Variants in MGAT4C observed in about 807,000 individuals in gnomAD.
MGAT4C encodes MGAT4 family member C, also known as alpha-1,3-mannosyl-glycoprotein 4-beta-N-acetylglucosaminyltransferase C.
MGAT4C carries 19 observed loss-of-function variants against 40.1 expected under a neutral mutation model. The ratio of observed to expected loss-of-function variants is 0.47; its 90% CI spans 0.33 to 0.70. The LOEUF (loss-of-function observed/expected upper bound fraction) is 0.70, where lower values mean the gene tolerates loss of function less well. Ranked by LOEUF, MGAT4C falls within the 30% of genes least tolerant of loss-of-function variation. The pLI is 0.02. For synonymous variants in MGAT4C, 181 were observed against 187.1 expected, an observed-to-expected ratio of 0.97 and a Z score of 0.27; for missense variants, 491 against 563.2, an observed-to-expected ratio of 0.87 and a Z score of 1.30.
At chr12:86,180,316 C>A (rs1288774566) in intron 1 of MGAT4C, among the ~76,000 whole-genome samples, 1 of 152,202 alleles carries the variant, frequency 6.6e-6, no homozygotes, top group Non-Finnish European at 1.5e-5. Context: ...TCATGGAGAA[C>A]CTCTGCTAGG....
chr12:85,959,627 A>T lies in MGAT4C; in HGVS notation c.*19662T>A, dbSNP rs1335819114. On this transcript the variant is annotated 3_prime_UTR_variant, in exon 5 of 5. Transcript: ENST00000611864. The stretch of plus-strand genomic sequence containing the variant: ...TTAAATCTGACCCAGCCACTTGAAT[A>T]AATAAGTTGTGTTGTAGTTTCTCAG... The T allele has an allele frequency of 6.6e-6, 1 of 151,930 alleles. No homozygotes were observed. The highest frequency in any genetic ancestry group is 1.5e-5 in the Non-Finnish European group (1 of 67,926). The allele number at this position is 151,930 out of a possible 1,614,324, so 9.4% of individuals were successfully genotyped here.
At chr12:86,571,779 C>A (rs563008232) in intron 2 of MGAT4C, among the ~76,000 whole-genome samples, 2 of 152,218 alleles carry the variant, frequency 1.3e-5, no homozygotes, top group South Asian at 4.1e-4. Context: ...AATCCCCACA[C>A]TGCTGAATGC....
intron 3 of MGAT4C, among the ~76,000 whole-genome samples, chr12:86,336,067 T>C (rs1027353546): frequency 3.3e-5 from 5 of 152,176 alleles, no homozygotes; most frequent in African/African-American, 1.2e-4. Context: ...TGCCTGTACT[T>C]TGCCACCTCC....
intron 2 of MGAT4C, among the ~76,000 whole-genome samples, chr12:86,628,153 A>G (rs1457658607): frequency 6.6e-6 from 1 of 152,176 alleles, no homozygotes; most frequent in Non-Finnish European, 1.5e-5. Context: ...TCAGTGATTG[A>G]AGATCAAATG....
chr12:86,365,226 A>G (rs1308418517), intron 3 of MGAT4C, among the ~76,000 whole-genome samples: 1 of 152,196 alleles, frequency 6.6e-6, no homozygotes, highest in Non-Finnish European at 1.5e-5. Context: ...GAAGAGAAAT[A>G]TGGCTCTGTT....
At chr12:85,991,039 A>G (rs916780284) in intron 2 of MGAT4C, among the ~76,000 whole-genome samples, 2 of 152,170 alleles carry the variant, frequency 1.3e-5, no homozygotes, top group African/African-American at 4.8e-5. Context: ...AGAATGAGGT[A>G]TTCAGACAAG....
chr12:86,057,270 T>C (rs936715803), intron 1 of MGAT4C, among the ~76,000 whole-genome samples: 2 of 152,132 alleles, frequency 1.3e-5, no homozygotes, highest in Admixed American at 1.3e-4. Flanking sequence ...CTCAAATTCC[T>C]GGGCTGTTAT....
intron 2 of MGAT4C, among the ~76,000 whole-genome samples, chr12:86,436,842 T>C (rs937606831): frequency 1.3e-5 from 2 of 151,766 alleles, no homozygotes; most frequent in African/African-American, 4.8e-5. Context: ...ATTTTGGAAA[T>C]TATTTGCAAA....
At position 85,958,791 on chromosome 12, in the gene MGAT4C, A is replaced by G. The variant is rs1459928616; in HGVS notation, c.*20498T>C. 1 of 152,126 alleles carries G rather than the reference A, an allele frequency of 6.6e-6. No individual in the cohort carries two copies. The highest frequency in any genetic ancestry group is 1.9e-4 in the East Asian group (1 of 5,196). 9.4% of individuals were successfully genotyped at this position (152,126 alleles called of 1,614,324 possible). ...ACTAAATTAAAGCTCCTTCAAAAACATAAATGTATTCTTTAGAGAGTTAAA... is the reference window on the plus strand; with the variant it reads ...ACTAAATTAAAGCTCCTTCAAAAACGTAAATGTATTCTTTAGAGAGTTAAA... On this transcript the variant is annotated 3_prime_UTR_variant, in exon 5 of 5. Coordinates refer to ENST00000611864, the MANE Select transcript of MGAT4C (RefSeq NM_001351288.2).
At chr12:86,810,056 T>C (rs1285614682) in intron 1 of MGAT4C, among the ~76,000 whole-genome samples, 1 of 152,080 alleles carries the variant, frequency 6.6e-6, no homozygotes, top group East Asian at 1.9e-4. Flanking sequence ...ATTTTGTAAC[T>C]TTCATTGTAA....
At chr12:86,446,263 T>C (rs1010711114) in intron 2 of MGAT4C, among the ~76,000 whole-genome samples, 1 of 151,972 alleles carries the variant, frequency 6.6e-6, no homozygotes, top group Non-Finnish European at 1.5e-5. Context: ...AACACGTGCA[T>C]AAGGTTAAAA....
At chr12:86,709,677 G>A (rs1315855637) in intron 2 of MGAT4C, among the ~76,000 whole-genome samples, 1 of 152,094 alleles carries the variant, frequency 6.6e-6, no homozygotes, top group Non-Finnish European at 1.5e-5. Flanking sequence ...GCCTCTCAAA[G>A]TGCTGGGATT....
chr12:86,375,309 T>A (rs777598927), intron 3 of MGAT4C, among the ~76,000 whole-genome samples: 1 of 152,130 alleles, frequency 6.6e-6, no homozygotes, highest in Non-Finnish European at 1.5e-5. Flanking sequence ...TACATGGAGA[T>A]TCTATGCAAA....
intron 2 of MGAT4C, among the ~76,000 whole-genome samples, chr12:86,014,709 G>C (rs984421841): frequency 6.6e-6 from 1 of 152,048 alleles, no homozygotes; most frequent in Non-Finnish European, 1.5e-5. Context: ...TCGAAAGTAT[G>C]TATTTTTCAG....
At chr12:86,283,514 A>C (rs1396131775) in intron 4 of MGAT4C, among the ~76,000 whole-genome samples, 2 of 152,082 alleles carry the variant, frequency 1.3e-5, no homozygotes, top group African/African-American at 4.8e-5. Flanking sequence ...AAATTTAAAC[A>C]ATCTCCACAA....
At chr12:86,638,016 G>A (rs1390281583) in intron 2 of MGAT4C, among the ~76,000 whole-genome samples, 2 of 151,810 alleles carry the variant, frequency 1.3e-5, no homozygotes, top group Admixed American at 6.6e-5. Flanking sequence ...GACCCTGTAC[G>A]CAGACTTCCT....
intron 4 of MGAT4C, among the ~76,000 whole-genome samples, chr12:86,291,760 A>G (rs535875829): frequency 1.1e-4 from 17 of 152,144 alleles, no homozygotes; most frequent in Non-Finnish European, 2.1e-4. Context: ...CAAAACCCCA[A>G]TTACTTTTGC....
At chr12:86,134,059 A>G (rs2135718978) in intron 1 of MGAT4C, among the ~76,000 whole-genome samples, 1 of 152,232 alleles carries the variant, frequency 6.6e-6, no homozygotes, top group Middle Eastern at 3.5e-3. Context: ...AAAAAACAGC[A>G]TATAATTAAT....
intron 1 of MGAT4C, among the ~76,000 whole-genome samples, chr12:86,823,615 G>T (rs1952744834): frequency 6.6e-6 from 1 of 150,702 alleles, no homozygotes; most frequent in South Asian, 2.1e-4. Flanking sequence ...ATCAAAAAAA[G>T]ATATCCAGGA....
Sources: gnomAD v4.1 joint callset for allele counts (sites outside exome capture counted in the v4.1 genomes callset) on GRCh38, gnomAD v4.1.1 for gene constraint, MANE v1.5 for transcripts, NCBI Gene and HGNC (gene_info 2026-07-23, HGNC 2026-07-21) for gene names.